FYN: variants seen among roughly 807,000 people sequenced by gnomAD.
FYN encodes tyrosine-protein kinase Fyn.
Under a neutral mutation model 70.2 loss-of-function variants are expected in FYN, and 10 were observed. That is an observed-to-expected ratio of 0.14 (90% CI 0.09 to 0.24). FYN has a LOEUF of 0.24. FYN is among the 10% of genes least tolerant of loss of function. FYN has a pLI of 1.00. For synonymous variants in FYN, 236 were observed against 248.6 expected, an observed-to-expected ratio of 0.95 and a Z score of 0.48; for missense variants, 319 against 673.1, an observed-to-expected ratio of 0.47 and a Z score of 5.82.
chr6:111,745,835 A>G (rs1802184524), intron 3 of FYN, among the ~76,000 whole-genome samples: 3 of 152,244 alleles, frequency 2.0e-5, no homozygotes, highest in African/African-American at 4.8e-5. Context: ...ACAGCCCACA[A>G]TACACTGGGG....
At chr6:111,825,288 C>T (rs562475905) in intron 2 of FYN, among the ~76,000 whole-genome samples, 1 of 152,290 alleles carries the variant, frequency 6.6e-6, no homozygotes, top group East Asian at 1.9e-4. Flanking sequence ...AATATAAACA[C>T]CAGACAGCGA....
chr6:111,773,630 A>AGGGGGG (rs1803587156), intron 3 of FYN, among the ~76,000 whole-genome samples: 1 of 18,546 alleles, frequency 5.4e-5, no homozygotes, highest in Non-Finnish European at 8.1e-5. Flanking sequence ...GGGGGAAAGG[A>AGGGGGG]GAGGGGGAGG....
At chr6:111,779,465 AC>A (rs1346522027) in intron 3 of FYN, among the ~76,000 whole-genome samples, 1 of 152,132 alleles carries the variant, frequency 6.6e-6, no homozygotes, top group Non-Finnish European at 1.5e-5. Context: ...GGTATCATCT[AC>A]CCCCACCCTT....
At chr6:111,801,714 T>G (rs1020809554) in intron 2 of FYN, among the ~76,000 whole-genome samples, 3 of 152,252 alleles carry the variant, frequency 2.0e-5, no homozygotes, top group African/African-American at 7.2e-5. Context: ...AAACAGTGCC[T>G]GGGTTGTGCA....
At chr6:111,686,792 A>T (rs1039487750) in intron 12 of FYN, among the ~76,000 whole-genome samples, 15 of 152,220 alleles carry the variant, frequency 9.9e-5, no homozygotes, top group African/African-American at 3.4e-4. Context: ...CGGCGAGATC[A>T]GCCTTGATCT....
intron 3 of FYN, among the ~76,000 whole-genome samples, chr6:111,749,080 A>C (rs976894653): frequency 6.6e-6 from 1 of 151,916 alleles, no homozygotes; most frequent in Non-Finnish European, 1.5e-5. Context: ...TAAACCACTC[A>C]CTCTTCCTGG....
chr6:111,805,044 G>A (rs567150242), intron 2 of FYN, among the ~76,000 whole-genome samples: 1 of 151,740 alleles, frequency 6.6e-6, no homozygotes, highest in Non-Finnish European at 1.5e-5. Context: ...TTTCTAACAG[G>A]CCTCCCCTTA....
intron 13 of FYN, among the ~76,000 whole-genome samples, chr6:111,673,347 G>A (rs998538554): frequency 3.3e-5 from 5 of 152,026 alleles, no homozygotes; most frequent in Non-Finnish European, 5.9e-5. Flanking sequence ...GCCCAGTGCC[G>A]GCACTTCAGA....
chr6:111,797,457 C>A (rs914432198), intron 2 of FYN, among the ~76,000 whole-genome samples: 23 of 151,348 alleles, frequency 1.5e-4, no homozygotes, highest in Non-Finnish European at 2.4e-4. Context: ...GAGAAGTGAG[C>A]AAATATTTTC....
In FYN at chr6:111,855,391, C is replaced by T. The variant is rs1248899444; in HGVS notation, c.-122-8762G>A. On this transcript the variant is annotated intron_variant, in intron 1 of 13. Coordinates refer to ENST00000354650, the MANE Select transcript of FYN (RefSeq NM_002037.5). The stretch of plus-strand genomic sequence containing the variant: ...TAAGGTTCTTAACTAAATCAAGAAA[C>T]CTATGGTGCAGAATGTTACTTAGAA... Among the ~76,000 whole-genome samples, 4 of 152,178 alleles carry T rather than the reference C, an allele frequency of 2.6e-5. No individual in the cohort carries two copies. The East Asian group carries it at 7.7e-4, about 29-fold the overall frequency.
At chr6:111,789,172 A>AT (rs915399938) in intron 2 of FYN, among the ~76,000 whole-genome samples, 36 of 152,334 alleles carry the variant, frequency 2.4e-4, no homozygotes, top group Admixed American at 1.4e-3. Context: ...CTCCCTTCTC[A>AT]TTGGCTATTG....
rs1799908537 is a variant in FYN, at chr6:111,702,962, T to G, written c.620A>C (p.Lys207Thr). The G allele has an allele frequency of 6.2e-7, 1 of 1,613,998 alleles. No individual in the cohort carries two copies. The highest frequency in any genetic ancestry group is 1.1e-5 in the South Asian group (1 of 91,084). The change falls in exon 8 of 14, where the codon AAA (lysine) becomes ACA (threonine). Residue 207 changes from lysine (K) to threonine (T), a missense_variant. Coordinates refer to ENST00000354650, the MANE Select transcript of FYN (RefSeq NM_002037.5). ...GDHVKHYKIR[K>T]LDNGGYYITT... ...AATGTAGTATCCACCATTGTCAAGTTTGCGAATTTTATAATGTTTGACATG... is the reference window on the plus strand; with the variant it reads ...AATGTAGTATCCACCATTGTCAAGTGTGCGAATTTTATAATGTTTGACATG...
At chr6:111,750,167 C>T (rs2128486106) in intron 3 of FYN, among the ~76,000 whole-genome samples, 2 of 152,320 alleles carry the variant, frequency 1.3e-5, no homozygotes, top group East Asian at 3.9e-4. Flanking sequence ...ATGTCTCCGT[C>T]CAAATCTCAT....
At chr6:111,779,121 A>ATTTTTTTT (rs397934539) in intron 3 of FYN, among the ~76,000 whole-genome samples, 14 of 91,490 alleles carry the variant, frequency 1.5e-4, no homozygotes, top group South Asian at 8.3e-4. Context: ...AGTAGGAGAC[A>ATTTTTTTT]TTTTTTTTTT....
intron 2 of FYN, among the ~76,000 whole-genome samples, chr6:111,796,713 C>T (rs73544168): frequency 0.022 from 3,315 of 152,254 alleles, 110 homozygotes; most frequent in African/African-American, 0.076. Context: ...CATGGTGATG[C>T]TATGGGTAAG....
intron 3 of FYN, among the ~76,000 whole-genome samples, chr6:111,751,167 T>G (rs990135498): frequency 2.6e-5 from 4 of 152,220 alleles, no homozygotes; most frequent in Admixed American, 2.6e-4. Context: ...TTGGGGGCAC[T>G]GGGGACAGAA....
At chr6:111,794,654 G>A (rs1386966521) in intron 2 of FYN, among the ~76,000 whole-genome samples, 1 of 152,156 alleles carries the variant, frequency 6.6e-6, no homozygotes, top group Non-Finnish European at 1.5e-5. Flanking sequence ...CACACATGGA[G>A]ATTATACAAA....
chr6:111,690,323 C>T (rs146083023), intron 12 of FYN, among the ~76,000 whole-genome samples: 2 of 152,192 alleles, frequency 1.3e-5, no homozygotes, highest in South Asian at 2.1e-4. Flanking sequence ...AGGCTGAGGG[C>T]CCAGCTGTGG....
chr6:111,871,215 A>G (rs531525742), intron 1 of FYN, among the ~76,000 whole-genome samples: 53 of 152,334 alleles, frequency 3.5e-4, no homozygotes, highest in African/African-American at 1.3e-3. Flanking sequence ...TTTCTTCCTT[A>G]AAGGGAACAT....
Sources: allele counts gnomAD v4.1 joint callset (sites outside exome capture counted in the v4.1 genomes callset), GRCh38; gene constraint gnomAD v4.1.1; transcripts MANE v1.5; gene names NCBI Gene and HGNC (gene_info 2026-07-23, HGNC 2026-07-21).